The following STAG1 variants were observed in gnomAD, a reference collection of about 807,000 sequenced individuals.
STAG1 encodes the protein STAG1 cohesin complex component.
STAG1 carries 26 observed loss-of-function variants against 170.9 expected under a neutral mutation model. The ratio of observed to expected loss-of-function variants is 0.15; its 90% CI spans 0.11 to 0.21. STAG1 has a LOEUF of 0.21. Among genes scored for constraint, STAG1 ranks in the 10% least tolerant of loss-of-function variants. The pLI is 1.00. For synonymous variants in STAG1, 514 were observed against 497.7 expected, an observed-to-expected ratio of 1.03 and a Z score of -0.44; for missense variants, 964 against 1,509.5, an observed-to-expected ratio of 0.64 and a Z score of 5.99.
rs370709615 is a variant in STAG1 at position 136,644,522 on chromosome 3, G to GA, written c.-83-13542dup. 1.3e-3 allele frequency among the ~76,000 whole-genome samples: 198 copies of GA among 152,120 alleles called. 1 individual carries two copies. The highest frequency in any genetic ancestry group is 4.4e-3 in the African/African-American group (183 of 41,490). ...ATCAATGAGATATAAAAAACCCACGGAATTAGTAAGAATGCAAAAACTGTT... is the reference window on the plus strand; with the variant it reads ...ATCAATGAGATATAAAAAACCCACGGAAATTAGTAAGAATGCAAAAACTGTT... On this transcript the variant is annotated intron_variant, in intron 1 of 33. Transcript: ENST00000383202.
intron 22 of STAG1, among the ~76,000 whole-genome samples, chr3:136,380,059 C>T (rs191077124): frequency 7.9e-5 from 12 of 152,142 alleles, no homozygotes; most frequent in African/African-American, 2.9e-4. Flanking sequence ...TATAAATTTA[C>T]ATTTCACCAT....
chr3:136,524,269 A>C (rs898009711), intron 6 of STAG1, among the ~76,000 whole-genome samples: 61 of 152,108 alleles, frequency 4.0e-4, no homozygotes, highest in African/African-American at 1.3e-3. Context: ...CTTTTATTTC[A>C]TTGAGCAGTG....
chr3:136,576,059 T>C (rs1447105535), intron 4 of STAG1, among the ~76,000 whole-genome samples: 1 of 151,936 alleles, frequency 6.6e-6, no homozygotes, highest in African/African-American at 2.4e-5. Flanking sequence ...ATAGGTATTA[T>C]ACTACTATTT....
Position 136,556,570 on chromosome 3 carries a change from G to T in STAG1, c.394+12195C>A, listed in dbSNP as rs769727745. Among the ~76,000 whole-genome samples, 10 of 101,672 alleles carry T rather than the reference G, an allele frequency of 9.8e-5. No homozygotes were observed. The South Asian group carries it at 1.4e-3, about 14-fold the overall frequency. 66.7% of individuals were successfully genotyped at this position (101,672 alleles called of 152,430 possible). A position where few individuals can be genotyped will look rare whatever the true frequency, so the allele number is the denominator to read the frequency against. On this transcript the variant is annotated intron_variant, in intron 5 of 33. Transcript: ENST00000383202. ...AGTTTGCTGATAGAACTTGACATTCGTTTTTTTTTTGTTTGTTTGTTTGTT... is the reference window on the plus strand; with the variant it reads ...AGTTTGCTGATAGAACTTGACATTCTTTTTTTTTTTGTTTGTTTGTTTGTT...
At chr3:136,389,207 G>C (rs549621456) in intron 22 of STAG1, among the ~76,000 whole-genome samples, 75 of 152,294 alleles carry the variant, frequency 4.9e-4, no homozygotes, top group Non-Finnish European at 8.1e-4. Flanking sequence ...TAAGAAGTTT[G>C]GATATTTGTA....
At chr3:136,720,877 A>G (rs180774598) in intron 1 of STAG1, among the ~76,000 whole-genome samples, 256 of 152,340 alleles carry the variant, frequency 1.7e-3, no homozygotes, top group Non-Finnish European at 2.3e-3. Context: ...CATATTTCAT[A>G]GTTTACAGAG....
At chr3:136,679,357 G>T (rs1262474705) in intron 1 of STAG1, among the ~76,000 whole-genome samples, 2 of 151,794 alleles carry the variant, frequency 1.3e-5, no homozygotes, top group Non-Finnish European at 2.9e-5. Flanking sequence ...AGGCGGATGG[G>T]TTCCTTGAGG....
At chr3:136,556,446 C>A (rs1404761643) in intron 5 of STAG1, among the ~76,000 whole-genome samples, 1 of 152,130 alleles carries the variant, frequency 6.6e-6, no homozygotes, top group Non-Finnish European at 1.5e-5. Context: ...GAATGCTTCC[C>A]ACGACAAAGA....
At chr3:136,427,347 C>T (rs775581706) in intron 16 of STAG1, among the ~76,000 whole-genome samples, 1 of 152,094 alleles carries the variant, frequency 6.6e-6, no homozygotes, top group Non-Finnish European at 1.5e-5. Context: ...TCAAGTATTG[C>T]CAAGTATTCA....
chr3:136,496,039 G>A (rs1421920001), intron 9 of STAG1, among the ~76,000 whole-genome samples: 4 of 151,512 alleles, frequency 2.6e-5, no homozygotes, highest in Non-Finnish European at 2.9e-5. Flanking sequence ...AGCTACTTGG[G>A]AGGCTGAGGC....
chr3:136,473,518 C>A, intron 11 of STAG1, 21 bp downstream of exon 11: 1 of 1,532,668 alleles, frequency 6.5e-7, no homozygotes, highest in Admixed American at 1.8e-5. Flanking sequence ...ATTAAATAAG[C>A]TTATCATTCT....
chr3:136,496,279 A>C (rs188595519), intron 9 of STAG1, among the ~76,000 whole-genome samples: 12 of 152,336 alleles, frequency 7.9e-5, no homozygotes, highest in Middle Eastern at 3.4e-3. Context: ...ACTATTAACC[A>C]ATTTGACCTA....
In STAG1 at chr3:136,467,000, G is replaced by A. The variant is rs551813943; in HGVS notation, c.1206-2012C>T. ...GCCTGCCCTACAAGAGCTCCTGAAGGAAGCACTAAACATGGAAAGGAACAA... is the reference window on the plus strand; with the variant it reads ...GCCTGCCCTACAAGAGCTCCTGAAGAAAGCACTAAACATGGAAAGGAACAA... On this transcript the variant is annotated intron_variant, in intron 12 of 33. Transcript: ENST00000383202. 2.6e-5 allele frequency among the ~76,000 whole-genome samples: 4 copies of A among 152,280 alleles called. No homozygotes were observed. The South Asian group carries it at 6.2e-4, about 24-fold the overall frequency.
chr3:136,558,444 T>C (rs987184775), intron 5 of STAG1, among the ~76,000 whole-genome samples: 1 of 152,134 alleles, frequency 6.6e-6, no homozygotes, highest in Non-Finnish European at 1.5e-5. Context: ...AAAGGTAACA[T>C]CGCAATACAG....
At chr3:136,418,802 T>C (rs1321519372) in intron 20 of STAG1, among the ~76,000 whole-genome samples, 1 of 152,012 alleles carries the variant, frequency 6.6e-6, no homozygotes, top group African/African-American at 2.4e-5. Flanking sequence ...CCATGACACC[T>C]GGCTGATTTT....
intron 1 of STAG1, among the ~76,000 whole-genome samples, chr3:136,681,933 G>C (rs535085774): frequency 6.0e-4 from 92 of 152,176 alleles, no homozygotes; most frequent in African/African-American, 2.0e-3. Flanking sequence ...AATGTTTAAA[G>C]ATAAAAATCT....
At chr3:136,474,739 G>C (rs546168383) in intron 10 of STAG1, among the ~76,000 whole-genome samples, 2 of 152,320 alleles carry the variant, frequency 1.3e-5, no homozygotes, top group East Asian at 3.9e-4. Context: ...GCCTGTGGCA[G>C]GTGCTGCTGA....
At chr3:136,537,473 A>C (rs1466079948) in intron 6 of STAG1, among the ~76,000 whole-genome samples, 1 of 151,388 alleles carries the variant, frequency 6.6e-6, no homozygotes, top group African/African-American at 2.4e-5. Flanking sequence ...CTTTAAGCCT[A>C]ATAGTGTCTT....
intron 28 of STAG1, among the ~76,000 whole-genome samples, chr3:136,351,873 G>C (rs1936444898): frequency 6.6e-6 from 1 of 152,110 alleles, no homozygotes; most frequent in Non-Finnish European, 1.5e-5. Context: ...AACCTAACTG[G>C]CTAAGGGGTT....
Sources: gnomAD v4.1 joint callset for allele counts (sites outside exome capture counted in the v4.1 genomes callset) on GRCh38, gnomAD v4.1.1 for gene constraint, MANE v1.5 for transcripts, NCBI Gene and HGNC (gene_info 2026-07-23, HGNC 2026-07-21) for gene names.